DIP2B: variants seen among roughly 807,000 people sequenced by gnomAD.
DIP2B encodes the protein disco-interacting protein 2 homolog B.
Under a neutral mutation model 198.0 loss-of-function variants are expected in DIP2B, and 76 were observed. That is an observed-to-expected ratio of 0.38 (90% CI 0.32 to 0.46). DIP2B has a LOEUF of 0.46. DIP2B is among the 20% of genes least tolerant of loss of function. The pLI is 0.99. For missense variants in DIP2B, 1,559 were observed against 1,978.4 expected, an observed-to-expected ratio of 0.79 and a Z score of 4.02; for synonymous variants, 701 against 739.1, an observed-to-expected ratio of 0.95 and a Z score of 0.84.
At chr12:50,577,950 T>C (rs747855100) in intron 1 of DIP2B, among the ~76,000 whole-genome samples, 1 of 152,250 alleles carries the variant, frequency 6.6e-6, no homozygotes, top group Non-Finnish European at 1.5e-5. Flanking sequence ...AGTTACAATG[T>C]AGATTATGAA....
intron 1 of DIP2B, among the ~76,000 whole-genome samples, chr12:50,559,559 A>G (rs937851929): frequency 6.6e-6 from 1 of 152,016 alleles, no homozygotes; most frequent in African/African-American, 2.4e-5. Context: ...GGGGCAACAT[A>G]GCAAGATCTG....
At chr12:50,708,372 C>T in intron 21 of DIP2B, 76 bp from the exon 22 acceptor site, 2 of 1,366,052 alleles carry the variant, frequency 1.5e-6, no homozygotes, top group East Asian at 5.0e-5. Context: ...TGTCTCCTCT[C>T]TGTAATTCCA....
At chr12:50,689,644 A>C (rs771079589) in intron 12 of DIP2B, among the ~76,000 whole-genome samples, 7 of 152,170 alleles carry the variant, frequency 4.6e-5, no homozygotes, top group Non-Finnish European at 1.0e-4. Context: ...TCAGTGATGG[A>C]TATATGAGTT....
At chr12:50,556,971 T>G (rs1223551150) in intron 1 of DIP2B, among the ~76,000 whole-genome samples, 1 of 152,090 alleles carries the variant, frequency 6.6e-6, no homozygotes, top group Non-Finnish European at 1.5e-5. Flanking sequence ...CGGCCTCCCA[T>G]AGTGCTGTGA....
intron 1 of DIP2B, among the ~76,000 whole-genome samples, chr12:50,541,855 A>G (rs562418377): frequency 6.6e-6 from 1 of 152,194 alleles, no homozygotes; most frequent in Admixed American, 6.5e-5. Context: ...TACAAAAATT[A>G]GCCAGACGTG....
At chr12:50,613,581 T>G (rs907872961) in intron 1 of DIP2B, among the ~76,000 whole-genome samples, 10 of 152,176 alleles carry the variant, frequency 6.6e-5, no homozygotes, top group Non-Finnish European at 1.2e-4. Flanking sequence ...TAATATTTGT[T>G]CAATACAGTG....
At chr12:50,535,002 G>A (rs1958250973) in intron 1 of DIP2B, among the ~76,000 whole-genome samples, 1 of 152,168 alleles carries the variant, frequency 6.6e-6, no homozygotes, top group Non-Finnish European at 1.5e-5. Context: ...GCTGAGGTGG[G>A]TGGGTCATTT....
At chr12:50,521,294 A>G (rs1037119833) in intron 1 of DIP2B, among the ~76,000 whole-genome samples, 1 of 151,026 alleles carries the variant, frequency 6.6e-6, no homozygotes, top group Non-Finnish European at 1.5e-5. Context: ...TTTAGTAGAG[A>G]GGGGGTTTCA....
chr12:50,591,881 GTTTTTT>G (rs200971587), intron 1 of DIP2B, among the ~76,000 whole-genome samples: 1 of 139,684 alleles, frequency 7.2e-6, no homozygotes, highest in South Asian at 2.3e-4. Context: ...ATTTTTGTGT[GTTTTTT>G]TTTTTTTTGA....
At chr12:50,732,629 G>A (rs1940063794) in intron 32 of DIP2B, 93 bp downstream of exon 32, 2 of 1,494,818 alleles carry the variant, frequency 1.3e-6, no homozygotes, top group African/African-American at 2.8e-5. Flanking sequence ...CCTGGGCTTG[G>A]GCCCCAGCCG....
chr12:50,556,746 G>A (rs1958475168), intron 1 of DIP2B, among the ~76,000 whole-genome samples: 1 of 151,874 alleles, frequency 6.6e-6, no homozygotes, highest in Non-Finnish European at 1.5e-5. Context: ...TTTTGCTCTT[G>A]TTGTCCATGC....
chr12:50,744,960 CT>C lies in DIP2B; in HGVS notation c.*122del. Reference sequence around the variant, plus strand: ...GAGATGGCTACATGATATTCTTCATCTCATCCTGTGGGATTCTGCAATCATA... The same window carrying C: ...GAGATGGCTACATGATATTCTTCATCCATCCTGTGGGATTCTGCAATCATA... On this transcript the variant is annotated 3_prime_UTR_variant, in exon 38 of 38. Transcript: ENST00000301180. 8.1e-7 allele frequency: 1 copy of C among 1,227,226 alleles called. No homozygotes were observed. The highest frequency in any genetic ancestry group is 1.1e-6 in the Non-Finnish European group (1 of 887,496). The allele number at this position is 1,227,226 out of a possible 1,614,324, so 76.0% of individuals were successfully genotyped here.
At chr12:50,673,088 C>T (rs1048794685) in intron 5 of DIP2B, among the ~76,000 whole-genome samples, 1 of 152,086 alleles carries the variant, frequency 6.6e-6, no homozygotes, top group African/African-American at 2.4e-5. Context: ...GCGTATATTC[C>T]TATAAGTTTG....
At chr12:50,549,211 G>A (rs1270234553) in intron 1 of DIP2B, among the ~76,000 whole-genome samples, 1 of 150,606 alleles carries the variant, frequency 6.6e-6, no homozygotes, top group Non-Finnish European at 1.5e-5. Flanking sequence ...GCTCATGCCT[G>A]TAATCCCAGC....
intron 1 of DIP2B, among the ~76,000 whole-genome samples, chr12:50,610,791 C>T (rs919004405): frequency 1.3e-5 from 2 of 151,004 alleles, no homozygotes; most frequent in Admixed American, 6.7e-5. Flanking sequence ...CAGGCATGAG[C>T]CACTGTGCCC....
At chr12:50,621,238 A>G (rs765249650) in intron 1 of DIP2B, among the ~76,000 whole-genome samples, 2 of 152,212 alleles carry the variant, frequency 1.3e-5, no homozygotes, top group African/African-American at 4.8e-5. Flanking sequence ...CCCTCTAGCT[A>G]AGGGATGTAT....
At chr12:50,740,093 C>A (rs1332878068) in intron 36 of DIP2B, among the ~76,000 whole-genome samples, 2 of 152,208 alleles carry the variant, frequency 1.3e-5, no homozygotes, top group African/African-American at 4.8e-5. Flanking sequence ...ACCCTCTGCC[C>A]AGTTGATTGT....
intron 32 of DIP2B, 127 bp from the exon 33 acceptor site, chr12:50,734,008 C>CTA: frequency 2.1e-6 from 2 of 959,936 alleles, no homozygotes; most frequent in Non-Finnish European, 3.3e-6. Context: ...GGGGCCTACT[C>CTA]TCAAGGGGAG....
At chr12:50,612,710 T>C (rs1166577460) in intron 1 of DIP2B, among the ~76,000 whole-genome samples, 1 of 152,214 alleles carries the variant, frequency 6.6e-6, no homozygotes, top group African/African-American at 2.4e-5. Context: ...ATTACAGGCG[T>C]GAGCCACCAC....
Sources: allele counts gnomAD v4.1 joint callset (sites outside exome capture counted in the v4.1 genomes callset), GRCh38; gene constraint gnomAD v4.1.1; transcripts MANE v1.5; gene names NCBI Gene and HGNC (gene_info 2026-07-23, HGNC 2026-07-21).